CSMD1: variants seen among roughly 807,000 people sequenced by gnomAD.
CSMD1 encodes the protein CUB and sushi domain-containing protein 1.
Under a neutral mutation model 417.5 loss-of-function variants are expected in CSMD1, and 213 were observed. The observed-to-expected ratio is 0.51, with a 90% CI of 0.46 to 0.57. The LOEUF (loss-of-function observed/expected upper bound fraction) is 0.57, where lower values mean the gene tolerates loss of function less well. CSMD1 is among the 20% of genes least tolerant of loss of function. CSMD1 has a pLI of 0.00. For missense variants in CSMD1, 6,923 were observed against 4,529.7 expected, an observed-to-expected ratio of 1.53 and a Z score of -15.17; for synonymous variants, 2,862 against 1,736.8, an observed-to-expected ratio of 1.65 and a Z score of -16.11.
At chr8:4,583,625 G>T (rs555326119) in intron 2 of CSMD1, among the ~76,000 whole-genome samples, 97 of 152,266 alleles carry the variant, frequency 6.4e-4, no homozygotes, top group African/African-American at 2.2e-3. Flanking sequence ...GCTCTGGTGG[G>T]GCCTTGGAGA....
intron 5 of CSMD1, among the ~76,000 whole-genome samples, chr8:3,994,143 T>C (rs1023841600): frequency 1.3e-5 from 2 of 152,200 alleles, no homozygotes; most frequent in South Asian, 4.1e-4. Flanking sequence ...CATTTATATT[T>C]GTTTTGGGAC....
intron 49 of CSMD1, among the ~76,000 whole-genome samples, chr8:3,055,922 T>C (rs998632170): frequency 1.2e-4 from 19 of 152,168 alleles, no homozygotes; most frequent in African/African-American, 4.6e-4. Context: ...TGTCAAAAGG[T>C]AATCAGGAGG....
At chr8:3,643,855 GC>G (rs1250426386) in intron 7 of CSMD1, among the ~76,000 whole-genome samples, 1 of 152,116 alleles carries the variant, frequency 6.6e-6, no homozygotes, top group Non-Finnish European at 1.5e-5. Flanking sequence ...ATGTTAATTA[GC>G]TTAATGAATT....
At chr8:2,962,721 T>C in intron 60 of CSMD1, 82 bp from the exon 61 acceptor site, 1 of 1,398,802 alleles carries the variant, frequency 7.1e-7, no homozygotes. Context: ...CTAGTTTCTG[T>C]TAAATCTTTA....
chr8:3,539,602 A>C (rs1235176420), intron 10 of CSMD1, among the ~76,000 whole-genome samples: 1 of 152,160 alleles, frequency 6.6e-6, no homozygotes, highest in Non-Finnish European at 1.5e-5. Flanking sequence ...AGCGAAACAC[A>C]GCTCTGCCCC....
intron 12 of CSMD1, among the ~76,000 whole-genome samples, chr8:3,460,532 G>T (rs1443960172): frequency 2.0e-5 from 3 of 152,072 alleles, no homozygotes; most frequent in African/African-American, 7.2e-5. Context: ...TTTAGTAGCG[G>T]GGAGAAATGA....
chr8:3,001,699 G>T (rs1807418107), intron 52 of CSMD1, among the ~76,000 whole-genome samples: 1 of 152,148 alleles, frequency 6.6e-6, no homozygotes. Flanking sequence ...TGAAGTTATA[G>T]AAAGAAACTT....
At chr8:4,295,003 T>C (rs989871240) in intron 3 of CSMD1, among the ~76,000 whole-genome samples, 1 of 149,788 alleles carries the variant, frequency 6.7e-6, no homozygotes, top group Non-Finnish European at 1.5e-5. Context: ...CTGAACCCAA[T>C]CTAAGGTGTT....
At chr8:4,002,706 G>T (rs929757529) in intron 4 of CSMD1, among the ~76,000 whole-genome samples, 1 of 152,096 alleles carries the variant, frequency 6.6e-6, no homozygotes, top group Non-Finnish European at 1.5e-5. Context: ...AGTGCTACAA[G>T]GACCCAATAT....
chr8:4,899,587 T>C (rs1804730805), intron 1 of CSMD1, among the ~76,000 whole-genome samples: 1 of 152,186 alleles, frequency 6.6e-6, no homozygotes, highest in Non-Finnish European at 1.5e-5. Context: ...AAAGTCAATA[T>C]TTTTTCTTCT....
intron 1 of CSMD1, among the ~76,000 whole-genome samples, chr8:4,860,526 G>C (rs141789975): frequency 6.6e-6 from 1 of 151,916 alleles, no homozygotes; most frequent in Admixed American, 6.6e-5. Context: ...CTGAGGCCTC[G>C]CTGGAACTTG....
chr8:4,235,272 T>G (rs537863609), intron 3 of CSMD1, among the ~76,000 whole-genome samples: 1 of 152,130 alleles, frequency 6.6e-6, no homozygotes, highest in Admixed American at 6.5e-5. Flanking sequence ...GGCTACATCA[T>G]AAAACTCACA....
At chr8:4,027,131 T>A (rs1797104017) in intron 4 of CSMD1, among the ~76,000 whole-genome samples, 1 of 152,174 alleles carries the variant, frequency 6.6e-6, no homozygotes, top group Admixed American at 6.5e-5. Context: ...TTTACACTCA[T>A]GTTGGGTACA....
At chr8:4,219,888 G>T (rs1714722) in intron 3 of CSMD1, among the ~76,000 whole-genome samples, 152,152 of 152,334 alleles carry the variant, frequency 1, 75,985 homozygotes, top group Non-Finnish European at 1. Flanking sequence ...ATTAATACCA[G>T]GTGGAAACGA....
intron 1 of CSMD1, among the ~76,000 whole-genome samples, chr8:4,900,156 GACAT>G (rs1449436871): frequency 6.6e-6 from 1 of 151,950 alleles, no homozygotes; most frequent in Non-Finnish European, 1.5e-5. Flanking sequence ...TTTTCTTAAA[GACAT>G]ACCTCACCAC....
chr8:3,680,224 T>C (rs1799579465), intron 7 of CSMD1, among the ~76,000 whole-genome samples: 1 of 152,072 alleles, frequency 6.6e-6, no homozygotes, highest in South Asian at 2.1e-4. Flanking sequence ...AAAAAAACCC[T>C]TCAAAAAATC....
At chr8:4,524,560 A>T (rs1406853087) in intron 2 of CSMD1, among the ~76,000 whole-genome samples, 3 of 142,788 alleles carry the variant, frequency 2.1e-5, no homozygotes, top group Non-Finnish European at 3.0e-5. Context: ...ATTTTTCATC[A>T]CACTTGGTCT....
At chr8:4,473,668 T>C (rs1191291878) in intron 2 of CSMD1, among the ~76,000 whole-genome samples, 1 of 152,212 alleles carries the variant, frequency 6.6e-6, no homozygotes, top group Non-Finnish European at 1.5e-5. Context: ...AAAGAGCATA[T>C]GACTCTAGGT....
At chr8:4,565,426 G>A (rs1443147066) in intron 2 of CSMD1, among the ~76,000 whole-genome samples, 1 of 152,002 alleles carries the variant, frequency 6.6e-6, no homozygotes, top group Non-Finnish European at 1.5e-5. Flanking sequence ...TAATTCAATA[G>A]CAATTTTTTC....
Sources: allele counts gnomAD v4.1 joint callset (sites outside exome capture counted in the v4.1 genomes callset), GRCh38; gene constraint gnomAD v4.1.1; transcripts MANE v1.5; gene names NCBI Gene and HGNC (gene_info 2026-07-23, HGNC 2026-07-21).